CNGB3: variants seen among roughly 807,000 people sequenced by gnomAD.
CNGB3 encodes the protein cyclic nucleotide-gated channel beta-3.
A neutral mutation model predicts 92.8 loss-of-function variants in CNGB3; 86 were observed. That is an observed-to-expected ratio of 0.93 (90% CI 0.78 to 1.11). The LOEUF is 1.11. Ranked by LOEUF, CNGB3 falls within the 50% of genes least tolerant of loss-of-function variation. CNGB3 has a pLI of 0.00. For missense variants in CNGB3, 1,026 were observed against 956.8 expected, an observed-to-expected ratio of 1.07 and a Z score of -0.95; for synonymous variants, 333 against 332.7, an observed-to-expected ratio of 1.00 and a Z score of -0.01.
At chr8:86,628,072 C>G (rs1185876796) in intron 12 of CNGB3, among the ~76,000 whole-genome samples, 2 of 152,096 alleles carry the variant, frequency 1.3e-5, no homozygotes, top group African/African-American at 4.8e-5. Context: ...GTATATAATA[C>G]AGATAACATA....
chr8:86,661,339 C>A, intron 6 of CNGB3: 2 of 395,566 alleles, frequency 5.1e-6, no homozygotes, highest in Non-Finnish European at 1.0e-5. Context: ...CCTTTTCAAG[C>A]AATATTGCTT....
intron 15 of CNGB3, among the ~76,000 whole-genome samples, chr8:86,602,913 G>T (rs1187377228): frequency 1.3e-5 from 2 of 152,092 alleles, no homozygotes; most frequent in Non-Finnish European, 2.9e-5. Context: ...CATGTTATCT[G>T]GGTCTTGCTC....
chr8:86,665,869 A>C (rs1448989010), intron 6 of CNGB3, among the ~76,000 whole-genome samples: 1 of 152,172 alleles, frequency 6.6e-6, no homozygotes, highest in East Asian at 1.9e-4. Flanking sequence ...ACAAACCTGT[A>C]TGTGTATCTC....
At chr8:86,679,226 C>G (rs997732329) in intron 3 of CNGB3, among the ~76,000 whole-genome samples, 1 of 151,920 alleles carries the variant, frequency 6.6e-6, no homozygotes, top group Non-Finnish European at 1.5e-5. Context: ...AGTTAACATT[C>G]CTCTCTTTCA....
chr8:86,641,290 T>C (rs1290271992), intron 10 of CNGB3, among the ~76,000 whole-genome samples: 1 of 152,042 alleles, frequency 6.6e-6, no homozygotes, highest in Non-Finnish European at 1.5e-5. Context: ...CACTCCTTGT[T>C]TAGCATATAA....
intron 15 of CNGB3, among the ~76,000 whole-genome samples, chr8:86,588,244 A>G (rs1311769710): frequency 2.8e-5 from 4 of 145,450 alleles, no homozygotes; most frequent in East Asian, 2.0e-4. Flanking sequence ...TTGGGCTGAG[A>G]CAATGGGGTT....
chr8:86,652,184 A>G (rs1046255376), intron 7 of CNGB3, among the ~76,000 whole-genome samples: 3 of 152,008 alleles, frequency 2.0e-5, no homozygotes, highest in African/African-American at 7.2e-5. Context: ...ACATCTAAAC[A>G]TTGAAAAGGT....
At chr8:86,738,666 C>T (rs965124840) in intron 2 of CNGB3, among the ~76,000 whole-genome samples, 2 of 127,968 alleles carry the variant, frequency 1.6e-5, no homozygotes, top group African/African-American at 3.2e-5. Context: ...AGTGAAACCC[C>T]GTCTCTACTA....
intron 10 of CNGB3, among the ~76,000 whole-genome samples, chr8:86,643,548 C>T (rs914974051): frequency 6.6e-6 from 1 of 151,134 alleles, no homozygotes; most frequent in Non-Finnish European, 1.5e-5. Flanking sequence ...TTGGGTCTGG[C>T]TTATTTCACT....
At chr8:86,681,517 G>C (rs1247663227) in intron 3 of CNGB3, among the ~76,000 whole-genome samples, 1 of 152,114 alleles carries the variant, frequency 6.6e-6, no homozygotes, top group Admixed American at 6.6e-5. Flanking sequence ...TCCCAAAGGA[G>C]AGAACAGAGG....
At chr8:86,723,989 G>A (rs912435197) in intron 3 of CNGB3, among the ~76,000 whole-genome samples, 1 of 152,154 alleles carries the variant, frequency 6.6e-6, no homozygotes, top group South Asian at 2.1e-4. Context: ...GAGCACACAA[G>A]GACACGTTGA....
intron 3 of CNGB3, among the ~76,000 whole-genome samples, chr8:86,720,582 A>C (rs1027304289): frequency 2.6e-5 from 4 of 152,156 alleles, no homozygotes; most frequent in African/African-American, 9.7e-5. Context: ...TATGGAAAAC[A>C]GTTTGGAGAT....
intron 15 of CNGB3, among the ~76,000 whole-genome samples, chr8:86,597,072 G>A (rs1182175571): frequency 6.6e-6 from 1 of 152,160 alleles, no homozygotes; most frequent in African/African-American, 2.4e-5. Flanking sequence ...AATACCTAAT[G>A]TAAATGAGTT....
intron 6 of CNGB3, among the ~76,000 whole-genome samples, chr8:86,655,414 GA>G (rs1393653216): frequency 2.4e-4 from 37 of 152,154 alleles, no homozygotes; most frequent in Middle Eastern, 3.2e-3. Flanking sequence ...CCCAGAAACA[GA>G]ACCCACTCTG....
In CNGB3 at chr8:86,624,418, C is replaced by CTAAA. The variant is rs372757606; in HGVS notation, c.1578+1561_1578+1564dup. 9.3e-4 allele frequency among the ~76,000 whole-genome samples: 141 copies of CTAAA among 152,212 alleles called. 1 individual carries two copies. In the South Asian group the frequency reaches 0.012, roughly 13 times the overall value. ...TGGACAACAGAGCAAGACTCTGTCT[C>CTAAA]TAAATAAATAAATAAATAAGTAAAT... On this transcript the variant is annotated intron_variant, in intron 13 of 17. Coordinates refer to ENST00000320005, the MANE Select transcript of CNGB3 (RefSeq NM_019098.5).
At chr8:86,646,202 T>C (rs1016398187) in intron 8 of CNGB3, among the ~76,000 whole-genome samples, 7 of 151,172 alleles carry the variant, frequency 4.6e-5, no homozygotes, top group Non-Finnish European at 1.0e-4. Flanking sequence ...ACTGAAAATT[T>C]GATAAGGGAT....
chr8:86,636,045 G>C (rs1164033231), intron 10 of CNGB3, among the ~76,000 whole-genome samples: 2 of 151,412 alleles, frequency 1.3e-5, no homozygotes, highest in African/African-American at 4.9e-5. Context: ...GAATTTTACA[G>C]TGAACACTCA....
chr8:86,674,040 A>C (rs1039027578), intron 3 of CNGB3, among the ~76,000 whole-genome samples: 8 of 152,328 alleles, frequency 5.3e-5, no homozygotes, highest in South Asian at 4.1e-4. Context: ...GTTTTAATAA[A>C]TGCTTATTGA....
intron 14 of CNGB3, among the ~76,000 whole-genome samples, chr8:86,610,301 T>C (rs566968657): frequency 3.3e-5 from 5 of 152,290 alleles, no homozygotes; most frequent in African/African-American, 9.6e-5. Flanking sequence ...GCTCATCATA[T>C]TGAGAAATAT....
Sources: allele counts gnomAD v4.1 joint callset (sites outside exome capture counted in the v4.1 genomes callset), GRCh38; gene constraint gnomAD v4.1.1; transcripts MANE v1.5; gene names NCBI Gene and HGNC (gene_info 2026-07-23, HGNC 2026-07-21).